Variants in USP31 observed in about 807,000 individuals in gnomAD.
USP31 encodes ubiquitin carboxyl-terminal hydrolase 31.
Under a neutral mutation model 119.4 loss-of-function variants are expected in USP31, and 44 were observed. The ratio of observed to expected loss-of-function variants is 0.37; its 90% CI spans 0.29 to 0.47. The LOEUF is 0.47. USP31 is among the 20% of genes least tolerant of loss of function. The pLI, the probability that USP31 is intolerant of heterozygous loss-of-function variation, is 0.99. For synonymous variants in USP31, 749 were observed against 705.6 expected, an observed-to-expected ratio of 1.06 and a Z score of -0.97; for missense variants, 1,643 against 1,730.2, an observed-to-expected ratio of 0.95 and a Z score of 0.89.
At chr16:23,103,138 T>C (rs1294931523) in intron 5 of USP31, among the ~76,000 whole-genome samples, 1 of 152,164 alleles carries the variant, frequency 6.6e-6, no homozygotes, top group Non-Finnish European at 1.5e-5. Context: ...GATCATAATG[T>C]CTAACCTCCG....
chr16:23,082,805 T>G (rs17796668), intron 11 of USP31, among the ~76,000 whole-genome samples: 33,611 of 150,538 alleles, frequency 0.22, 4,541 homozygotes, highest in Admixed American at 0.31. Flanking sequence ...TGTATAAATG[T>G]TAAATATGTT....
At chr16:23,092,825 C>T (rs940590753) in intron 6 of USP31, among the ~76,000 whole-genome samples, 8 of 152,080 alleles carry the variant, frequency 5.3e-5, no homozygotes, top group South Asian at 2.1e-4. Context: ...ACAGGATCAC[C>T]GAAAGAATCA....
At chr16:23,134,788 A>T (rs1406198405) in intron 1 of USP31, among the ~76,000 whole-genome samples, 1 of 152,042 alleles carries the variant, frequency 6.6e-6, no homozygotes, top group Non-Finnish European at 1.5e-5. Flanking sequence ...AAAAAATATA[A>T]ATTAAAACTT....
chr16:23,141,753 T>C (rs1263003635), intron 1 of USP31, among the ~76,000 whole-genome samples: 2 of 152,250 alleles, frequency 1.3e-5, no homozygotes, highest in African/African-American at 2.4e-5. Context: ...AAAAGTTCCG[T>C]AAAGGAAGGG....
At chr16:23,124,810 A>G (rs541132869) in intron 1 of USP31, among the ~76,000 whole-genome samples, 1 of 151,920 alleles carries the variant, frequency 6.6e-6, no homozygotes, top group South Asian at 2.1e-4. Flanking sequence ...AATTGCTTGA[A>G]CCCGGGAGGT....
At chr16:23,140,410 C>T (rs1437950130) in intron 1 of USP31, among the ~76,000 whole-genome samples, 2 of 152,098 alleles carry the variant, frequency 1.3e-5, no homozygotes, top group Non-Finnish European at 2.9e-5. Flanking sequence ...TCCTACAGTG[C>T]CAGGACAGCC....
At chr16:23,121,064 T>C (rs777454077) in intron 1 of USP31, among the ~76,000 whole-genome samples, 1 of 152,236 alleles carries the variant, frequency 6.6e-6, no homozygotes, top group African/African-American at 2.4e-5. Flanking sequence ...TAACCTTGCA[T>C]TGACTCACTA....
At chr16:23,098,986 C>T (rs1901733046) in intron 6 of USP31, among the ~76,000 whole-genome samples, 1 of 152,124 alleles carries the variant, frequency 6.6e-6, no homozygotes, top group Admixed American at 6.6e-5. Context: ...TCTAATTAAA[C>T]TAAAGAGCTT....
chr16:23,081,474 CG>C (rs1900822464), intron 12 of USP31, among the ~76,000 whole-genome samples: 1 of 152,182 alleles, frequency 6.6e-6, no homozygotes, highest in Admixed American at 6.5e-5. Flanking sequence ...AACATCTCTC[CG>C]TCTCTACTGC....
Position 23,148,857 on chromosome 16 carries a change from G to A in USP31, c.414C>T (p.Phe138=). Residue 138 remains phenylalanine, a synonymous_variant, in exon 1 of 16, where the codon TTC becomes TTT. Coordinates refer to ENST00000219689, the MANE Select transcript of USP31 (RefSeq NM_020718.4). ...AGLRNHGNTC[F]MNATLQCLSN... ...TGAGGCACTGCAGCGTGGCGTTCATGAAGCACGTGTTGCCGTGGTTGCGGA... is the reference window on the plus strand; with the variant it reads ...TGAGGCACTGCAGCGTGGCGTTCATAAAGCACGTGTTGCCGTGGTTGCGGA... 1 of 1,521,370 alleles carries A rather than the reference G, an allele frequency of 6.6e-7. No homozygotes were observed. The highest frequency in any genetic ancestry group is 8.8e-7 in the Non-Finnish European group (1 of 1,134,458). The allele number at this position is 1,521,370 out of a possible 1,614,324, so 94.2% of individuals were successfully genotyped here.
rs1900042169 is a variant in USP31 at position 23,065,781 on chromosome 16, TTAAAC to T, written c.*2260_*2264del. ...ATAAAAATATTTACCACTGTGAAAA[TTAAAC>T]TAGTTTCTATTAATGCTTGACTACA... On this transcript the variant is annotated 3_prime_UTR_variant, in exon 16 of 16. Coordinates refer to ENST00000219689, the MANE Select transcript of USP31 (RefSeq NM_020718.4). 1 of 152,130 alleles carries T rather than the reference TTAAAC, an allele frequency of 6.6e-6. No individual in the cohort carries two copies. The highest frequency in any genetic ancestry group is 1.5e-5 in the Non-Finnish European group (1 of 68,030). 9.4% of individuals were successfully genotyped at this position (152,130 alleles called of 1,614,324 possible).
At chr16:23,072,321 C>T in intron 14 of USP31, 124 bp from the exon 15 acceptor site, 1 of 1,323,550 alleles carries the variant, frequency 7.6e-7, no homozygotes, top group Non-Finnish European at 1.0e-6. Context: ...ACCCCGAGGT[C>T]AGCATCAATT....
In USP31 at chr16:23,105,453, G is replaced by A; in HGVS notation, c.1077C>T (p.Ile359=). The change falls in exon 5 of 16, where the codon ATC becomes ATT. Residue 359 remains isoleucine, a synonymous_variant. Coordinates refer to ENST00000219689, the MANE Select transcript of USP31 (RefSeq NM_020718.4). Reference sequence around the variant, plus strand: ...GCAGACTTATTACCTGATCAGTGGGGATCTTTGTTTCCATAGACACTGCTT... The same window carrying A: ...GCAGACTTATTACCTGATCAGTGGGAATCTTTGTTTCCATAGACACTGCTT... ...LREAVSMETK[I]PTDQIVLTEM... The A allele has an allele frequency of 6.2e-7, 1 of 1,613,786 alleles. No homozygotes were observed. Among genetic ancestry groups the A allele is most frequent in the Non-Finnish European group, 8.5e-7 (1 of 1,179,884 alleles).
Position 23,087,853 on chromosome 16 carries a change from T to C in USP31, c.1416-18A>G. 6.3e-7 allele frequency: 1 copy of C among 1,595,334 alleles called. No individual in the cohort carries two copies. The highest frequency in any genetic ancestry group is 8.6e-7 in the Non-Finnish European group (1 of 1,164,826). ...GTCCAAATCTAACACACATCAACAATGTAATCACCTTTAAAGTACGGTAAT... is the reference window on the plus strand; with the variant it reads ...GTCCAAATCTAACACACATCAACAACGTAATCACCTTTAAAGTACGGTAAT... On this transcript the variant is annotated intron_variant, in intron 7 of 15. Transcript: ENST00000219689.
chr16:23,084,388 T>A (rs774776686), intron 11 of USP31, among the ~76,000 whole-genome samples: 2 of 152,232 alleles, frequency 1.3e-5, no homozygotes, highest in Non-Finnish European at 2.9e-5. Flanking sequence ...CTAGCCACCA[T>A]GTGTCTGCTG....
intron 1 of USP31, among the ~76,000 whole-genome samples, chr16:23,137,151 T>G (rs913630097): frequency 1.3e-5 from 2 of 152,140 alleles, no homozygotes; most frequent in Non-Finnish European, 2.9e-5. Context: ...AGGTTGAGGA[T>G]GCAGTGAGCC....
chr16:23,144,654 A>AT (rs946903223), intron 1 of USP31, among the ~76,000 whole-genome samples: 39 of 151,536 alleles, frequency 2.6e-4, no homozygotes, highest in African/African-American at 8.5e-4. Context: ...TACTTTTTGT[A>AT]TTTTTTTAGT....
At position 23,082,463 on chromosome 16, in the gene USP31, A is replaced by G. The variant is rs1900875400; in HGVS notation, c.1925T>C (p.Ile642Thr). The G allele has an allele frequency of 3.7e-6, 6 of 1,614,206 alleles. No homozygotes were observed. The highest frequency in any genetic ancestry group is 5.1e-6 in the Non-Finnish European group (6 of 1,180,026). ...LSLWTLPDVL[I>T]IHLKRFRQEG... ...CTGCCGAAATCTCTTTAGATGTATAATAAGCACATCAGGCAGAGTCCAGAG... is the reference window on the plus strand; with the variant it reads ...CTGCCGAAATCTCTTTAGATGTATAGTAAGCACATCAGGCAGAGTCCAGAG... Residue 642 changes from isoleucine (I) to threonine (T), a missense_variant, in exon 12 of 16, where the codon ATT becomes ACT. Ile to Thr is a moderately conservative substitution (Grantham distance 89). Around this residue, in one of 5 missense-constraint regions of USP31, gnomAD observed 279 missense variants for 372.2 expected, o/e 0.75. Coordinates refer to ENST00000219689, the MANE Select transcript of USP31 (RefSeq NM_020718.4).
chr16:23,073,884 C>A lies in USP31; in HGVS notation c.2177-4G>T. 2 of 1,613,846 alleles carry A rather than the reference C, an allele frequency of 1.2e-6. No individual in the cohort carries two copies. The highest frequency in any genetic ancestry group is 1.7e-6 in the Non-Finnish European group (2 of 1,180,018). ...TCCACAGAGTTCTTACAGTACGCTG[C>A]CAAAGAGAGCCCGCCATCAGCACCA... On this transcript the variant is annotated splice_region_variant and splice_polypyrimidine_tract_variant and intron_variant, in intron 13 of 15. Transcript: ENST00000219689.
Sources: allele counts gnomAD v4.1 joint callset (sites outside exome capture counted in the v4.1 genomes callset), GRCh38; gene constraint gnomAD v4.1.1; regional missense constraint gnomAD v4.1.1; transcripts MANE v1.5; gene names NCBI Gene and HGNC (gene_info 2026-07-23, HGNC 2026-07-21).